Variants in MAPKAP1 observed in about 807,000 individuals in gnomAD.
The protein encoded by MAPKAP1 is target of rapamycin complex 2 subunit MAPKAP1.
Under a neutral mutation model 65.7 loss-of-function variants are expected in MAPKAP1, and 20 were observed. The observed-to-expected ratio is 0.30, with a 90% CI of 0.21 to 0.44. The LOEUF (loss-of-function observed/expected upper bound fraction) is 0.44. MAPKAP1 is among the 20% of genes least tolerant of loss of function. The probability of loss-of-function intolerance (pLI) is 1.00; values close to 1 mark genes in which losing one functional copy is unlikely to be tolerated. For missense variants in MAPKAP1, 423 were observed against 648.0 expected (o/e 0.65, Z 3.77); for synonymous variants, 222 against 244.3 (o/e 0.91, Z 0.85).
At chr9:125,542,824 A>G (rs1454272270) in intron 7 of MAPKAP1, 1 of 645,682 alleles carries the variant, frequency 1.5e-6, no homozygotes, top group Non-Finnish European at 2.9e-6. Flanking sequence ...TTATTAATGA[A>G]GGAACTTCCA....
chr9:125,469,673 G>A (rs1386514517), intron 9 of MAPKAP1, among the ~76,000 whole-genome samples: 2 of 152,186 alleles, frequency 1.3e-5, no homozygotes, highest in African/African-American at 4.8e-5. Context: ...GCTGGAATTT[G>A]TCATTAGACC....
chr9:125,677,745 C>T (rs1032778616), intron 1 of MAPKAP1, among the ~76,000 whole-genome samples: 1 of 152,044 alleles, frequency 6.6e-6, no homozygotes, highest in Admixed American at 6.6e-5. Flanking sequence ...TACCTTTAGG[C>T]CACAGATAAA....
At chr9:125,527,542 G>T (rs931952398) in intron 7 of MAPKAP1, among the ~76,000 whole-genome samples, 33 of 152,090 alleles carry the variant, frequency 2.2e-4, no homozygotes, top group African/African-American at 8.0e-4. Flanking sequence ...CAACTACTTA[G>T]ATAAGTTATT....
chr9:125,649,541 C>G (rs1385667881), intron 4 of MAPKAP1, among the ~76,000 whole-genome samples: 1 of 152,122 alleles, frequency 6.6e-6, no homozygotes, highest in Non-Finnish European at 1.5e-5. Flanking sequence ...GAGGAAGTGT[C>G]TGGAAGGTGA....
At chr9:125,549,268 C>T (rs926030634) in intron 6 of MAPKAP1, among the ~76,000 whole-genome samples, 1 of 152,228 alleles carries the variant, frequency 6.6e-6, no homozygotes, top group Non-Finnish European at 1.5e-5. Flanking sequence ...GAGCAGTTCT[C>T]GAGTCTCTGG....
chr9:125,612,658 TAAA>T (rs142984574), intron 4 of MAPKAP1, among the ~76,000 whole-genome samples: 46,328 of 152,048 alleles, frequency 0.3, 7,985 homozygotes, highest in Middle Eastern at 0.4. Flanking sequence ...TTCTGTTGGG[TAAA>T]TAGAGGCTCT....
chr9:125,437,480 T>G lies in MAPKAP1; in HGVS notation c.*1407A>C, dbSNP rs897200398. On this transcript the variant is annotated 3_prime_UTR_variant, in exon 12 of 12. Transcript: ENST00000265960. The stretch of plus-strand genomic sequence containing the variant: ...ATGACCAAATTAGTCATTTACATTT[T>G]TCAAAGTATCTAAATATAAAATTGC... The G allele has an allele frequency of 1.3e-5, 2 of 152,624 alleles. No individual in the cohort carries two copies. Among genetic ancestry groups the G allele is most frequent in the African/African-American group, 2.4e-5 (1 of 41,472 alleles). 9.5% of individuals were successfully genotyped at this position (152,624 alleles called of 1,614,324 possible).
At chr9:125,650,607 G>A (rs1833866150) in intron 4 of MAPKAP1, 1 of 152,180 alleles carries the variant, frequency 6.6e-6, no homozygotes, top group Admixed American at 6.6e-5. Context: ...CCTTTGAAAA[G>A]CCTTAAGCCA....
At chr9:125,578,444 C>T (rs576442655) in intron 5 of MAPKAP1, among the ~76,000 whole-genome samples, 6 of 109,968 alleles carry the variant, frequency 5.5e-5, no homozygotes, top group South Asian at 3.7e-4. Context: ...TAAATAAATA[C>T]GAAAAAAAAA....
At chr9:125,626,188 T>G (rs1833113347) in intron 4 of MAPKAP1, among the ~76,000 whole-genome samples, 1 of 152,210 alleles carries the variant, frequency 6.6e-6, no homozygotes, top group Non-Finnish European at 1.5e-5. Context: ...ATAAAATAGG[T>G]CTTTTTACAC....
In MAPKAP1 at chr9:125,468,125, A is replaced by T; in HGVS notation, c.1208-16T>A. 1 of 1,611,492 alleles carries T rather than the reference A, an allele frequency of 6.2e-7. No individual in the cohort carries two copies. Among genetic ancestry groups the T allele is most frequent in the Non-Finnish European group, 8.5e-7 (1 of 1,178,758 alleles). Reference sequence around the variant, plus strand: ...CCAGAGATACCTGTAAGCCAAGGTGAGGACACAAAAGAAAACACAAGAAGT... The same window carrying T: ...CCAGAGATACCTGTAAGCCAAGGTGTGGACACAAAAGAAAACACAAGAAGT... On this transcript the variant is annotated splice_polypyrimidine_tract_variant and intron_variant, in intron 9 of 11. Coordinates refer to ENST00000265960, the MANE Select transcript of MAPKAP1 (RefSeq NM_001006617.3).
rs1167104038 is a variant in MAPKAP1, at chr9:125,437,726, T to C, written c.*1161A>G. 6.6e-6 allele frequency: 1 copy of C among 152,348 alleles called. No individual in the cohort carries two copies. Among genetic ancestry groups the C allele is most frequent in the African/African-American group, 2.4e-5 (1 of 41,458 alleles). 9.4% of individuals were successfully genotyped at this position (152,348 alleles called of 1,614,324 possible). A position where few individuals can be genotyped will look rare whatever the true frequency, so the allele number is the denominator to read the frequency against. ...TGTACAACAATTTAAAAAATGTTTCTAATGCAGGTCCTCAGTGAAACACCG... is the reference window on the plus strand; with the variant it reads ...TGTACAACAATTTAAAAAATGTTTCCAATGCAGGTCCTCAGTGAAACACCG... On this transcript the variant is annotated 3_prime_UTR_variant, in exon 12 of 12. Coordinates refer to ENST00000265960, the MANE Select transcript of MAPKAP1 (RefSeq NM_001006617.3).
chr9:125,566,876 A>T (rs537062169), intron 5 of MAPKAP1, among the ~76,000 whole-genome samples: 2 of 152,328 alleles, frequency 1.3e-5, no homozygotes, highest in East Asian at 3.9e-4. Flanking sequence ...AAGAAAATAC[A>T]AGTGACTACT....
chr9:125,503,880 C>CTTTTTTTTGTTTTTTTTTT (rs1829058008), intron 8 of MAPKAP1, among the ~76,000 whole-genome samples: 1 of 66,258 alleles, frequency 1.5e-5, no homozygotes, highest in Non-Finnish European at 2.5e-5. Flanking sequence ...CCACGCTTGG[C>CTTTTTTTTGTTTTTTTTTT]TTTTTTTTTT....
chr9:125,556,300 C>A (rs1259340711), intron 6 of MAPKAP1, among the ~76,000 whole-genome samples: 2 of 152,232 alleles, frequency 1.3e-5, no homozygotes, highest in Admixed American at 1.3e-4. Context: ...ACCATGCTGT[C>A]ACCTACTGCA....
chr9:125,649,757 A>C (rs562651982), intron 4 of MAPKAP1, among the ~76,000 whole-genome samples: 2 of 150,100 alleles, frequency 1.3e-5, no homozygotes, highest in South Asian at 4.2e-4. Flanking sequence ...TGTAGTCAGC[A>C]GGTCCAAAAC....
At chr9:125,613,801 C>CT (rs550073547) in intron 4 of MAPKAP1, among the ~76,000 whole-genome samples, 2,776 of 144,046 alleles carry the variant, frequency 0.019, 30 homozygotes, top group South Asian at 0.05. Flanking sequence ...AGAGCAATTT[C>CT]TTTTTTTTTT....
chr9:125,620,031 G>A (rs969000931), intron 4 of MAPKAP1, among the ~76,000 whole-genome samples: 5 of 152,300 alleles, frequency 3.3e-5, no homozygotes, highest in African/African-American at 4.8e-5. Flanking sequence ...GATTTGGGCC[G>A]GGTGCAACGG....
At chr9:125,643,025 G>C (rs1409372766) in intron 4 of MAPKAP1, among the ~76,000 whole-genome samples, 2 of 151,366 alleles carry the variant, frequency 1.3e-5, no homozygotes, top group Non-Finnish European at 1.5e-5. Flanking sequence ...TCAGCCTCCC[G>C]AGTAGCTAGG....
Sources: allele counts gnomAD v4.1 joint callset (sites outside exome capture counted in the v4.1 genomes callset), GRCh38; gene constraint gnomAD v4.1.1; transcripts MANE v1.5; gene names NCBI Gene and HGNC (gene_info 2026-07-23, HGNC 2026-07-21).